Variants in DNAI7 observed in about 807,000 individuals in gnomAD.
DNAI7 encodes dynein axonemal intermediate chain 7, also known as cancer susceptibility 1.
Under a neutral mutation model 86.6 loss-of-function variants are expected in DNAI7, and 78 were observed. That is an observed-to-expected ratio of 0.90 (90% CI 0.75 to 1.09). The LOEUF (loss-of-function observed/expected upper bound fraction) is 1.09. DNAI7 is among the 50% of genes least tolerant of loss of function. DNAI7 has a pLI of 0.00. For synonymous variants in DNAI7, 274 were observed against 273.0 expected, an observed-to-expected ratio of 1.00 and a Z score of -0.04; for missense variants, 753 against 810.2, an observed-to-expected ratio of 0.93 and a Z score of 0.86.
At chr12:25,176,901 C>CTTTT (rs761004608) in intron 2 of DNAI7, among the ~76,000 whole-genome samples, 4 of 118,108 alleles carry the variant, frequency 3.4e-5, no homozygotes, top group African/African-American at 1.4e-4. Context: ...TAACCATTTT[C>CTTTT]TTTTTTTTTT....
At chr12:25,153,944 T>C (rs894230456) in intron 6 of DNAI7, among the ~76,000 whole-genome samples, 2 of 152,190 alleles carry the variant, frequency 1.3e-5, no homozygotes, top group Non-Finnish European at 2.9e-5. Context: ...ACAGAGTGTA[T>C]ACCTGGCACC....
rs5797119 is a variant in DNAI7 at position 25,134,352 on chromosome 12, C to CTTTTT, written c.1002+10008_1002+10012dup. Among the ~76,000 whole-genome samples, 859 of 91,124 alleles carry CTTTTT rather than the reference C, an allele frequency of 9.4e-3. 26 individuals are homozygous for CTTTTT. The highest frequency in any genetic ancestry group is 0.015 in the East Asian group (42 of 2,850). 59.8% of individuals were successfully genotyped at this position (91,124 alleles called of 152,430 possible). A position where few individuals can be genotyped will look rare whatever the true frequency, so the allele number is the denominator to read the frequency against. On this transcript the variant is annotated intron_variant, in intron 9 of 15. Transcript: ENST00000395987. The stretch of plus-strand genomic sequence containing the variant: ...CATTATAATGGTTTTCCTTGGCGTA[C>CTTTTT]TTTTTTTTTTTTTTTTTTTTTTGAG...
chr12:25,164,364 T>C (rs1477019141), intron 2 of DNAI7, among the ~76,000 whole-genome samples: 1 of 150,936 alleles, frequency 6.6e-6, no homozygotes, highest in Non-Finnish European at 1.5e-5. Context: ...TCTGTGTCTC[T>C]ACTCTCTCTT....
intron 15 of DNAI7, among the ~76,000 whole-genome samples, chr12:25,109,399 T>C (rs1363088991): frequency 6.7e-6 from 1 of 150,260 alleles, no homozygotes. Context: ...TGTTGTTTTT[T>C]TTAAGAGATG....
At chr12:25,143,733 T>A (rs2140842573) in intron 9 of DNAI7, among the ~76,000 whole-genome samples, 1 of 152,356 alleles carries the variant, frequency 6.6e-6, no homozygotes, top group East Asian at 1.9e-4. Flanking sequence ...TGGTCCCTCA[T>A]AACATGCAAA....
chr12:25,124,360 A>G (rs1326991412), intron 9 of DNAI7, among the ~76,000 whole-genome samples: 10 of 128,672 alleles, frequency 7.8e-5, no homozygotes, highest in African/African-American at 2.9e-4. Flanking sequence ...TTATTCATTC[A>G]AAAAAAAAAT....
intron 2 of DNAI7, among the ~76,000 whole-genome samples, chr12:25,162,289 G>T (rs189815251): frequency 6.6e-6 from 1 of 152,130 alleles, no homozygotes; most frequent in Non-Finnish European, 1.5e-5. Flanking sequence ...CTCACAGAGG[G>T]AGAATGGCAG....
downstream of DNAI7, chr12:25,108,052 C>A (rs922180613): frequency 1.2e-6 from 2 of 1,613,480 alleles, no homozygotes; most frequent in Non-Finnish European, 1.7e-6. Flanking sequence ...TGGGCCACCA[C>A]CAGTGTGACA....
At chr12:25,178,253 AT>A (rs1949152856) in intron 2 of DNAI7, among the ~76,000 whole-genome samples, 1 of 152,182 alleles carries the variant, frequency 6.6e-6, no homozygotes, top group African/African-American at 2.4e-5. Context: ...TTCTGGGAAT[AT>A]TTATAACCAC....
chr12:25,176,732 T>C (rs985658420), intron 2 of DNAI7, among the ~76,000 whole-genome samples: 5 of 151,906 alleles, frequency 3.3e-5, no homozygotes, highest in African/African-American at 1.2e-4. Context: ...TCTCTGACTT[T>C]TGTGATCATT....
chr12:25,156,203 G>T (rs1592487951), intron 4 of DNAI7, among the ~76,000 whole-genome samples: 1 of 152,062 alleles, frequency 6.6e-6, no homozygotes, highest in Non-Finnish European at 1.5e-5. Context: ...TAGCCTGTTG[G>T]ATAAAATGGG....
At chr12:25,179,318 G>T (rs899610323) in intron 2 of DNAI7, among the ~76,000 whole-genome samples, 1 of 152,030 alleles carries the variant, frequency 6.6e-6, no homozygotes, top group East Asian at 1.9e-4. Context: ...AAATGTTTGC[G>T]TGCTTAGAAT....
At chr12:25,182,886 T>G (rs994159081) in intron 2 of DNAI7, among the ~76,000 whole-genome samples, 6 of 150,376 alleles carry the variant, frequency 4.0e-5, no homozygotes, top group Admixed American at 1.3e-4. Flanking sequence ...ATCATGCCAC[T>G]GCACTTCAGC....
At chr12:25,120,693 C>G (rs1316502470) in intron 11 of DNAI7, among the ~76,000 whole-genome samples, 1 of 152,018 alleles carries the variant, frequency 6.6e-6, no homozygotes, top group Non-Finnish European at 1.5e-5. Context: ...CCACTGCACT[C>G]CAGCCTGGGC....
At chr12:25,179,228 T>C (rs1374292770) in intron 2 of DNAI7, among the ~76,000 whole-genome samples, 1 of 152,190 alleles carries the variant, frequency 6.6e-6, no homozygotes, top group African/African-American at 2.4e-5. Context: ...ATATTCATTA[T>C]GATACATTCT....
chr12:25,141,673 A>G (rs1032604054), intron 9 of DNAI7, among the ~76,000 whole-genome samples: 1 of 152,164 alleles, frequency 6.6e-6, no homozygotes, highest in Non-Finnish European at 1.5e-5. Context: ...TACTAAAAAT[A>G]CAAAAAATTA....
rs946104067 is a variant in DNAI7, at chr12:25,114,940, C to G, written c.1397-70G>C. 1.1e-5 allele frequency: 13 copies of G among 1,195,468 alleles called. No individual in the cohort carries two copies. In the African/African-American group the frequency reaches 2.0e-4, roughly 18 times the overall value. 74.1% of individuals were successfully genotyped at this position (1,195,468 alleles called of 1,614,324 possible). On this transcript the variant is annotated intron_variant, in intron 12 of 15. Coordinates refer to ENST00000395987, the MANE Select transcript of DNAI7 (RefSeq NM_018272.5). ...TATTAAAAAAAGATAAATGAAAGCA[C>G]CAAAAAAATTGCTTTGTGTATAAAT...
chr12:25,114,912 C>T lies in DNAI7; in HGVS notation c.1397-42G>A, dbSNP rs1939763848. ...GAAAGTGACACTAGTTTCATTTTTTCCCTATTAAAAAAAGATAAATGAAAG... is the reference window on the plus strand; with the variant it reads ...GAAAGTGACACTAGTTTCATTTTTTTCCTATTAAAAAAAGATAAATGAAAG... On this transcript the variant is annotated intron_variant, in intron 12 of 15. Coordinates refer to ENST00000395987, the MANE Select transcript of DNAI7 (RefSeq NM_018272.5). 4 of 1,443,722 alleles carry T rather than the reference C, an allele frequency of 2.8e-6. No individual in the cohort carries two copies. The East Asian group carries it at 9.2e-5, about 33-fold the overall frequency. The allele number at this position is 1,443,722 out of a possible 1,614,324, so 89.4% of individuals were successfully genotyped here.
chr12:25,169,847 CAAAAAAA>C (rs1173396136), intron 2 of DNAI7, among the ~76,000 whole-genome samples: 1 of 66,710 alleles, frequency 1.5e-5, no homozygotes, highest in Non-Finnish European at 3.8e-5. Context: ...GACTCTGTCT[CAAAAAAA>C]AAAAAAAAAA....
Sources: gnomAD v4.1 joint callset for allele counts (sites outside exome capture counted in the v4.1 genomes callset) on GRCh38, gnomAD v4.1.1 for gene constraint, MANE v1.5 for transcripts, NCBI Gene and HGNC (gene_info 2026-07-23, HGNC 2026-07-21) for gene names.